The following ALG14 variants were observed in gnomAD, a reference collection of about 807,000 sequenced individuals.
ALG14 encodes the protein UDP-N-acetylglucosamine transferase subunit ALG14.
A neutral mutation model predicts 22.8 loss-of-function variants in ALG14; 17 were observed. The observed-to-expected ratio is 0.75, with a 90% CI of 0.51 to 1.12. ALG14 has a LOEUF of 1.12. Ranked by LOEUF, ALG14 falls within the 50% of genes most tolerant of loss-of-function variation. ALG14 has a pLI of 0.00. For synonymous variants in ALG14, 89 were observed against 103.7 expected (o/e 0.86, Z 0.86); for missense variants, 288 against 271.8 (o/e 1.06, Z -0.42).
chr1:95,058,610 C>T (rs1571668207), intron 2 of ALG14, among the ~76,000 whole-genome samples: 1 of 118,050 alleles, frequency 8.5e-6, no homozygotes, highest in Non-Finnish European at 1.7e-5. Context: ...GAGTGAGATT[C>T]ATTCTTAAAA....
intron 2 of ALG14, among the ~76,000 whole-genome samples, chr1:95,030,483 A>C (rs995516342): frequency 6.6e-6 from 1 of 152,198 alleles, no homozygotes; most frequent in African/African-American, 2.4e-5. Flanking sequence ...TACTTCCACC[A>C]AATTGTGTGG....
At chr1:95,040,099 G>A (rs1674332506) in intron 2 of ALG14, among the ~76,000 whole-genome samples, 1 of 151,996 alleles carries the variant, frequency 6.6e-6, no homozygotes, top group South Asian at 2.1e-4. Context: ...TTAAGCCTGG[G>A]AGGAAGAGGT....
chr1:95,026,010 G>A (rs1272124781), intron 3 of ALG14, among the ~76,000 whole-genome samples: 3 of 151,910 alleles, frequency 2.0e-5, no homozygotes, highest in East Asian at 1.9e-4. Flanking sequence ...TCGGCTCACT[G>A]CAAGCTCTGC....
At chr1:95,004,697 T>G (rs1348122697) in intron 3 of ALG14, among the ~76,000 whole-genome samples, 1 of 150,824 alleles carries the variant, frequency 6.6e-6, no homozygotes, top group East Asian at 2.0e-4. Flanking sequence ...GAGATGGGGT[T>G]TCACCGCATT....
chr1:95,065,828 C>T (rs555608522), intron 1 of ALG14, among the ~76,000 whole-genome samples: 2 of 152,236 alleles, frequency 1.3e-5, no homozygotes, highest in East Asian at 1.9e-4. Flanking sequence ...ATATAATCTC[C>T]AAAATTTTAA....
chr1:94,995,536 A>T (rs1444087465), intron 3 of ALG14, among the ~76,000 whole-genome samples: 1 of 152,090 alleles, frequency 6.6e-6, no homozygotes, highest in Non-Finnish European at 1.5e-5. Flanking sequence ...AACATGGTAA[A>T]ACTCCGTCTC....
chr1:95,072,504 T>A (rs189828427), intron 1 of ALG14, among the ~76,000 whole-genome samples: 1 of 152,280 alleles, frequency 6.6e-6, no homozygotes, highest in East Asian at 1.9e-4. Flanking sequence ...GTTCACTAAT[T>A]GTTTGAAAAA....
chr1:95,001,743 G>A (rs7539617), intron 3 of ALG14, among the ~76,000 whole-genome samples: 189 of 152,202 alleles, frequency 1.2e-3, no homozygotes, highest in African/African-American at 4.3e-3. Context: ...TGATCCACCC[G>A]CCTTGGCCTC....
intron 3 of ALG14, among the ~76,000 whole-genome samples, chr1:94,996,750 C>T (rs1355211449): frequency 4.6e-5 from 7 of 152,126 alleles, no homozygotes; most frequent in African/African-American, 9.7e-5. Context: ...GGCACAATCT[C>T]GGCTCACTGC....
Position 95,027,114 on chromosome 1 carries a change from G to C in ALG14, c.420+15C>G, listed in dbSNP as rs370637303. The stretch of plus-strand genomic sequence containing the variant: ...GGGAGTTACTTTCTCTCTCCTTAGT[G>C]ATGGTCTTACTTACCAAATCTGGCT... On this transcript the variant is annotated intron_variant, in intron 3 of 3. Transcript: ENST00000370205. The C allele has an allele frequency of 1.2e-5, 19 of 1,613,570 alleles. No homozygotes were observed. In the African/African-American group the frequency reaches 2.3e-4, roughly 19 times the overall value.
intron 2 of ALG14, among the ~76,000 whole-genome samples, chr1:95,049,581 A>C (rs889544697): frequency 1.3e-5 from 2 of 152,060 alleles, no homozygotes; most frequent in Non-Finnish European, 2.9e-5. Context: ...GGCAAAAAAT[A>C]AGGGCAAGGT....
chr1:95,006,961 G>T (rs1673236397), intron 3 of ALG14, among the ~76,000 whole-genome samples: 1 of 152,170 alleles, frequency 6.6e-6, no homozygotes, highest in African/African-American at 2.4e-5. Flanking sequence ...CCCTTTAAAA[G>T]TGTGATGCCT....
At chr1:95,052,325 A>G (rs558112517) in intron 2 of ALG14, among the ~76,000 whole-genome samples, 59 of 152,362 alleles carry the variant, frequency 3.9e-4, no homozygotes, top group African/African-American at 1.3e-3. Context: ...AACTGTATAA[A>G]GCAATAATAA....
intron 2 of ALG14, among the ~76,000 whole-genome samples, chr1:95,057,491 A>C (rs1232263511): frequency 6.6e-6 from 1 of 151,710 alleles, no homozygotes; most frequent in Non-Finnish European, 1.5e-5. Flanking sequence ...GAGGATGAGC[A>C]ATGTGCAAAT....
intron 2 of ALG14, among the ~76,000 whole-genome samples, chr1:95,042,682 C>T (rs1674420396): frequency 6.6e-6 from 1 of 152,204 alleles, no homozygotes; most frequent in Non-Finnish European, 1.5e-5. Context: ...AAATGTGATT[C>T]CTTTTCTTGT....
chr1:95,026,915 A>G (rs186312499), intron 3 of ALG14, among the ~76,000 whole-genome samples: 1 of 152,326 alleles, frequency 6.6e-6, no homozygotes. Context: ...ATAATGAGAT[A>G]CGATAAACTG....
chr1:95,037,853 C>A (rs1458890322), intron 2 of ALG14, among the ~76,000 whole-genome samples: 1 of 152,176 alleles, frequency 6.6e-6, no homozygotes, highest in African/African-American at 2.4e-5. Flanking sequence ...GATTCATTCA[C>A]TTGTTTCTTC....
At chr1:95,046,331 C>T (rs1051373897) in intron 2 of ALG14, among the ~76,000 whole-genome samples, 3 of 152,206 alleles carry the variant, frequency 2.0e-5, no homozygotes, top group Non-Finnish European at 4.4e-5. Flanking sequence ...CACCTGAGCT[C>T]TGCCTCCTAT....
At chr1:94,999,911 C>A (rs1483419432) in intron 3 of ALG14, among the ~76,000 whole-genome samples, 5 of 152,206 alleles carry the variant, frequency 3.3e-5, no homozygotes. Flanking sequence ...CGCAGGCCAT[C>A]TCTCCTCCCA....
Sources: gnomAD v4.1 joint callset for allele counts (sites outside exome capture counted in the v4.1 genomes callset) on GRCh38, gnomAD v4.1.1 for gene constraint, MANE v1.5 for transcripts, NCBI Gene and HGNC (gene_info 2026-07-23, HGNC 2026-07-21) for gene names.